Variants in GRIN2A observed in about 807,000 individuals in gnomAD.
The protein encoded by GRIN2A is glutamate receptor ionotropic, NMDA 2A.
In GRIN2A, 22 loss-of-function variants were observed where a neutral mutation model predicts 113.4. The ratio of observed to expected loss-of-function variants is 0.19; its 90% CI spans 0.14 to 0.28. GRIN2A has a LOEUF of 0.28. Ranked by LOEUF, GRIN2A falls within the 10% of genes least tolerant of loss-of-function variation. GRIN2A has a pLI of 1.00. For missense variants in GRIN2A, 1,502 were observed against 1,887.0 expected (o/e 0.80, Z 3.78); for synonymous variants, 827 against 738.4 (o/e 1.12, Z -1.94).
chr16:10,111,756 C>A (rs1243522556), intron 2 of GRIN2A: 2 of 1,508,922 alleles, frequency 1.3e-6, no homozygotes, highest in Non-Finnish European at 1.8e-6. Context: ...GCCCCTCACA[C>A]ACTGTGGGTG....
chr16:10,073,203 G>A (rs556235639), intron 2 of GRIN2A, among the ~76,000 whole-genome samples: 4 of 152,106 alleles, frequency 2.6e-5, no homozygotes, highest in African/African-American at 4.8e-5. Context: ...TGATTCACTT[G>A]CCTTGGCCTA....
chr16:10,139,386 C>G (rs888412505), intron 2 of GRIN2A, among the ~76,000 whole-genome samples: 4 of 152,158 alleles, frequency 2.6e-5, no homozygotes, highest in African/African-American at 9.7e-5. Flanking sequence ...AGAGGGGCAG[C>G]TGAAAGCCTC....
In GRIN2A at chr16:9,935,504, C is replaced by T. The variant is rs1001181624; in HGVS notation, c.1007+2455G>A. ...GTTAATTGTAAGAAGTATATTCTGT[C>T]TACTTCATCACACACACACACACAC... On this transcript the variant is annotated intron_variant, in intron 3 of 12. Transcript: ENST00000330684. 3.6e-5 allele frequency among the ~76,000 whole-genome samples: 5 copies of T among 139,336 alleles called. No homozygotes were observed. In the East Asian group the frequency reaches 1.0e-3, roughly 29 times the overall value. The allele number at this position is 139,336 out of a possible 152,430, so 91.4% of individuals were successfully genotyped here.
chr16:10,012,925 A>G (rs1175739341), intron 2 of GRIN2A, among the ~76,000 whole-genome samples: 1 of 152,224 alleles, frequency 6.6e-6, no homozygotes, highest in East Asian at 1.9e-4. Flanking sequence ...AATTTATTTC[A>G]GCAATAGGCA....
intron 2 of GRIN2A, among the ~76,000 whole-genome samples, chr16:10,090,698 C>T (rs1402674374): frequency 6.6e-6 from 1 of 152,044 alleles, no homozygotes; most frequent in Non-Finnish European, 1.5e-5. Context: ...AAATTCATCT[C>T]CATTAAAATT....
intron 2 of GRIN2A, among the ~76,000 whole-genome samples, chr16:9,955,429 C>T (rs990265756): frequency 2.0e-5 from 3 of 152,120 alleles, no homozygotes; most frequent in Non-Finnish European, 2.9e-5. Flanking sequence ...CATACCCTCA[C>T]GGATTAGGCA....
At chr16:9,817,286 C>T (rs1404510233) in intron 10 of GRIN2A, among the ~76,000 whole-genome samples, 1 of 152,124 alleles carries the variant, frequency 6.6e-6, no homozygotes, top group Non-Finnish European at 1.5e-5. Flanking sequence ...TCGTGTGTCT[C>T]AAAATCACGT....
chr16:9,994,722 G>T (rs1256657139), intron 2 of GRIN2A, among the ~76,000 whole-genome samples: 1 of 152,212 alleles, frequency 6.6e-6, no homozygotes, highest in Non-Finnish European at 1.5e-5. Context: ...CAGGTCAGAG[G>T]TACCTGCGTC....
At chr16:10,083,404 T>C (rs2048021422) in intron 2 of GRIN2A, among the ~76,000 whole-genome samples, 1 of 152,242 alleles carries the variant, frequency 6.6e-6, no homozygotes, top group South Asian at 2.1e-4. Context: ...GTTTAAATGG[T>C]GACCTTTGAG....
At chr16:9,960,545 G>A (rs1318887142) in intron 2 of GRIN2A, among the ~76,000 whole-genome samples, 1 of 152,198 alleles carries the variant, frequency 6.6e-6, no homozygotes, top group Admixed American at 6.5e-5. Flanking sequence ...AGCATATGCT[G>A]TGAAGTCAAC....
At chr16:10,176,375 T>C (rs757166208) in intron 2 of GRIN2A, among the ~76,000 whole-genome samples, 70 of 152,138 alleles carry the variant, frequency 4.6e-4, no homozygotes, top group Non-Finnish European at 8.2e-4. Flanking sequence ...AGCACCTCCA[T>C]TGTAAATTAA....
chr16:10,118,721 C>T (rs977435772), intron 2 of GRIN2A, among the ~76,000 whole-genome samples: 3 of 152,178 alleles, frequency 2.0e-5, no homozygotes, highest in Non-Finnish European at 4.4e-5. Flanking sequence ...CTGCTAAACT[C>T]TCCCCACTGC....
chr16:10,047,568 T>C (rs947971414), intron 2 of GRIN2A, among the ~76,000 whole-genome samples: 23 of 152,224 alleles, frequency 1.5e-4, no homozygotes, highest in African/African-American at 5.1e-4. Context: ...ATACCTGATA[T>C]AGATGTTGGT....
At chr16:10,075,042 T>G (rs79479110) in intron 2 of GRIN2A, among the ~76,000 whole-genome samples, 1 of 152,064 alleles carries the variant, frequency 6.6e-6, no homozygotes, top group Non-Finnish European at 1.5e-5. Context: ...GACAGCCCAG[T>G]GTAGGCATTG....
At chr16:9,972,924 T>A (rs1256869611) in intron 2 of GRIN2A, among the ~76,000 whole-genome samples, 1 of 151,742 alleles carries the variant, frequency 6.6e-6, no homozygotes, top group Non-Finnish European at 1.5e-5. Flanking sequence ...GGGATCAGAG[T>A]TTTTAAGGAT....
At chr16:10,139,585 C>T (rs531680478) in intron 2 of GRIN2A, among the ~76,000 whole-genome samples, 222 of 152,286 alleles carry the variant, frequency 1.5e-3, no homozygotes, top group Non-Finnish European at 2.5e-3. Flanking sequence ...TTGGATGTTA[C>T]TTAGTCCAGT....
At chr16:10,066,813 A>G (rs926743720) in intron 2 of GRIN2A, among the ~76,000 whole-genome samples, 7 of 152,226 alleles carry the variant, frequency 4.6e-5, no homozygotes, top group Non-Finnish European at 2.9e-5. Context: ...TGTCACCTTT[A>G]ACACTGATAT....
intron 3 of GRIN2A, among the ~76,000 whole-genome samples, chr16:9,915,110 G>C (rs754701609): frequency 6.6e-5 from 10 of 150,442 alleles, no homozygotes; most frequent in Non-Finnish European, 1.3e-4. Flanking sequence ...CTAATTTTTT[G>C]TATTTTTAGT....
Position 9,945,830 on chromosome 16 carries a change from C to G in GRIN2A, c.415-7279G>C, listed in dbSNP as rs557631296. Reference sequence around the variant, plus strand: ...CTAGGTTATGACTTGAAAGATGCAGCCAGCATCTTTCGTTTGCTATATCAT... The same window carrying G: ...CTAGGTTATGACTTGAAAGATGCAGGCAGCATCTTTCGTTTGCTATATCAT... On this transcript the variant is annotated intron_variant, in intron 2 of 12. Transcript: ENST00000330684. Among the ~76,000 whole-genome samples, 8 of 152,206 alleles carry G rather than the reference C, an allele frequency of 5.3e-5. No individual in the cohort carries two copies. The East Asian group carries it at 9.7e-4, about 18-fold the overall frequency.
Sources: gnomAD v4.1 joint callset for allele counts (sites outside exome capture counted in the v4.1 genomes callset) on GRCh38, gnomAD v4.1.1 for gene constraint, MANE v1.5 for transcripts, NCBI Gene and HGNC (gene_info 2026-07-23, HGNC 2026-07-21) for gene names.